Variants in CELF4 observed in about 807,000 individuals in gnomAD.
CELF4 encodes the protein CUG-BP- and ETR-3-like factor 4.
A neutral mutation model predicts 59.9 loss-of-function variants in CELF4; 18 were observed. That is an observed-to-expected ratio of 0.30 (90% confidence interval 0.21 to 0.45). CELF4 has a LOEUF of 0.45. CELF4 is among the 20% of genes least tolerant of loss of function. The pLI is 1.00. For missense variants in CELF4, 456 were observed against 689.0 expected (o/e 0.66, Z 3.79); for synonymous variants, 261 against 267.1 (o/e 0.98, Z 0.22).
chr18:37,383,114 C>A (rs2099060873), intron 2 of CELF4, among the ~76,000 whole-genome samples: 1 of 152,136 alleles, frequency 6.6e-6, no homozygotes, highest in South Asian at 2.1e-4. Context: ...GTCTTCAACT[C>A]CTGGGCTCAA....
intron 2 of CELF4, among the ~76,000 whole-genome samples, chr18:37,353,229 A>AT (rs1210213859): frequency 1.5e-5 from 1 of 68,684 alleles, no homozygotes; most frequent in South Asian, 4.0e-4. Flanking sequence ...TCAAAAAAAA[A>AT]AAAAATATAT....
chr18:37,326,014 G>A (rs2097297897), intron 2 of CELF4, among the ~76,000 whole-genome samples: 1 of 152,218 alleles, frequency 6.6e-6, no homozygotes, highest in South Asian at 2.1e-4. Flanking sequence ...CTGGCCTGAA[G>A]AGAAACCTTC....
rs1329372424 is a variant in CELF4, at chr18:37,372,453, A to AAG, written c.370-50573_370-50572insCT. Among the ~76,000 whole-genome samples the AAG allele has an allele frequency of 2.6e-5, 4 of 152,262 alleles. No homozygotes were observed. The East Asian group carries it at 7.7e-4, about 29-fold the overall frequency. ...CAATGAGAACACTTGGACACAGGGC[A>AAG]GGGAACATCACACACCGGGGCCTGT... On this transcript the variant is annotated intron_variant, in intron 2 of 12. Coordinates refer to ENST00000420428, the MANE Select transcript of CELF4 (RefSeq NM_020180.4).
intron 1 of CELF4, among the ~76,000 whole-genome samples, chr18:37,539,055 G>A (rs1039141280): frequency 4.6e-5 from 7 of 152,000 alleles, no homozygotes; most frequent in African/African-American, 7.3e-5. Flanking sequence ...AGCAATCCTC[G>A]GTCTCATCAG....
intron 2 of CELF4, among the ~76,000 whole-genome samples, chr18:37,394,406 C>T (rs1259646680): frequency 1.3e-5 from 2 of 152,176 alleles, no homozygotes; most frequent in Non-Finnish European, 2.9e-5. Flanking sequence ...CCAGGCAGGC[C>T]GTGAGCTGCC....
chr18:37,358,105 G>T (rs1159444705), intron 2 of CELF4, among the ~76,000 whole-genome samples: 1 of 152,128 alleles, frequency 6.6e-6, no homozygotes, highest in African/African-American at 2.4e-5. Context: ...TTTGAAATGT[G>T]AGGACCTAAG....
intron 2 of CELF4, among the ~76,000 whole-genome samples, chr18:37,440,975 G>A (rs1403699778): frequency 6.6e-6 from 1 of 152,208 alleles, no homozygotes; most frequent in Non-Finnish European, 1.5e-5. Flanking sequence ...TGCAAGGAAT[G>A]TGAATATTAG....
intron 2 of CELF4, among the ~76,000 whole-genome samples, chr18:37,347,652 A>T (rs1024526830): frequency 6.6e-6 from 1 of 152,090 alleles, no homozygotes; most frequent in Non-Finnish European, 1.5e-5. Flanking sequence ...TGCGGGCATC[A>T]AGCCAGCCCC....
rs532539830 is a variant in CELF4 at position 37,395,762 on chromosome 18, C to T, written c.370-73881G>A. On this transcript the variant is annotated intron_variant, in intron 2 of 12. Coordinates refer to ENST00000420428, the MANE Select transcript of CELF4 (RefSeq NM_020180.4). ...GCCAGGTGCTGAGAACTCCAAATAG[C>T]ACACACAATTACCAGACCCAGTCCT... is the stretch of plus-strand genomic sequence containing the variant. Among the ~76,000 whole-genome samples the T allele has an allele frequency of 2.0e-3, 311 of 152,314 alleles. 1 individual carries two copies. Among genetic ancestry groups the T allele is most frequent in the Admixed American group, 4.2e-3 (64 of 15,304 alleles).
chr18:37,414,228 A>G (rs1603637713), intron 2 of CELF4, among the ~76,000 whole-genome samples: 1 of 151,586 alleles, frequency 6.6e-6, no homozygotes, highest in South Asian at 2.1e-4. Flanking sequence ...CTATCTATCT[A>G]TCTATCTATC....
At chr18:37,308,078 T>C (rs1020607120) in intron 3 of CELF4, among the ~76,000 whole-genome samples, 2 of 151,974 alleles carry the variant, frequency 1.3e-5, no homozygotes, top group African/African-American at 4.8e-5. Context: ...CTCCTGAACC[T>C]ACAGTCTAAT....
intron 1 of CELF4, among the ~76,000 whole-genome samples, chr18:37,490,641 G>A (rs1286485650): frequency 1.3e-5 from 2 of 152,180 alleles, no homozygotes; most frequent in Admixed American, 6.5e-5. Context: ...TCAGCAAGCT[G>A]GAAATGTAAA....
At chr18:37,501,955 G>A (rs760230982) in intron 1 of CELF4, among the ~76,000 whole-genome samples, 12 of 152,192 alleles carry the variant, frequency 7.9e-5, no homozygotes, top group Non-Finnish European at 1.5e-4. Context: ...GGCATGAAGA[G>A]GGAGGACACA....
At chr18:37,290,589 C>G (rs985722215) in intron 3 of CELF4, among the ~76,000 whole-genome samples, 2 of 152,164 alleles carry the variant, frequency 1.3e-5, no homozygotes, top group African/African-American at 4.8e-5. Flanking sequence ...CCTAGCGCAT[C>G]TCACCCACAA....
chr18:37,551,172 C>T (rs1346955544), intron 1 of CELF4, among the ~76,000 whole-genome samples: 4 of 152,260 alleles, frequency 2.6e-5, no homozygotes, highest in Admixed American at 6.5e-5. Flanking sequence ...TTTTCAGTCA[C>T]TCCAGCTCTA....
intron 2 of CELF4, among the ~76,000 whole-genome samples, chr18:37,357,789 T>C (rs1197610001): frequency 6.6e-6 from 1 of 152,230 alleles, no homozygotes; most frequent in African/African-American, 2.4e-5. Flanking sequence ...ATGACCTGGA[T>C]GTGAGACATG....
At chr18:37,434,080 T>A (rs2099680628) in intron 2 of CELF4, among the ~76,000 whole-genome samples, 1 of 152,220 alleles carries the variant, frequency 6.6e-6, no homozygotes, top group Non-Finnish European at 1.5e-5. Flanking sequence ...GCTTGGTATC[T>A]GACGCTGGTG....
intron 2 of CELF4, among the ~76,000 whole-genome samples, chr18:37,424,157 G>T (rs2099597616): frequency 1.3e-5 from 2 of 152,148 alleles, no homozygotes. Flanking sequence ...CTAATATGTG[G>T]TTCCTGCAAG....
At chr18:37,346,410 G>A (rs969030184) in intron 2 of CELF4, among the ~76,000 whole-genome samples, 3 of 152,198 alleles carry the variant, frequency 2.0e-5, no homozygotes, top group African/African-American at 7.2e-5. Flanking sequence ...CAGAGGCAGG[G>A]CAGGTTTGCC....
Sources: allele counts gnomAD v4.1 joint callset (sites outside exome capture counted in the v4.1 genomes callset), GRCh38; gene constraint gnomAD v4.1.1; transcripts MANE v1.5; gene names NCBI Gene and HGNC (gene_info 2026-07-23, HGNC 2026-07-21).